The following TBC1D30 variants were observed in gnomAD, a reference collection of about 807,000 sequenced individuals.
TBC1D30 encodes the protein TBC1 domain family, member 30.
A neutral mutation model predicts 63.2 loss-of-function variants in TBC1D30; 31 were observed. That is an observed-to-expected ratio of 0.49 (90% confidence interval 0.37 to 0.66). The LOEUF is 0.66. TBC1D30 is among the 30% of genes least tolerant of loss of function. The pLI, the probability that TBC1D30 is intolerant of heterozygous loss-of-function variation, is 0.00. For missense variants in TBC1D30, 810 were observed against 953.6 expected, an observed-to-expected ratio of 0.85 and a Z score of 1.98; for synonymous variants, 307 against 361.5, an observed-to-expected ratio of 0.85 and a Z score of 1.71.
intron 11 of TBC1D30, among the ~76,000 whole-genome samples, chr12:64,873,388 T>G (rs1878805200): frequency 6.6e-6 from 1 of 152,144 alleles, no homozygotes; most frequent in African/African-American, 2.4e-5. Context: ...TGGGAGGTCA[T>G]GAATTTAAAG....
chr12:64,759,922 A>G (rs1870436382), intron 1 of TBC1D30, among the ~76,000 whole-genome samples: 1 of 152,224 alleles, frequency 6.6e-6, no homozygotes. Context: ...AATTTTCTCT[A>G]CAACTTGTGA....
intron 8 of TBC1D30, among the ~76,000 whole-genome samples, chr12:64,854,426 G>T (rs1158250749): frequency 6.6e-6 from 1 of 150,698 alleles, no homozygotes; most frequent in Non-Finnish European, 1.5e-5. Flanking sequence ...TTCTCTTTAT[G>T]TACTGTCTAT....
At chr12:64,768,458 C>G (rs2136274540) in intron 1 of TBC1D30, 1 of 152,374 alleles carries the variant, frequency 6.6e-6, no homozygotes, top group South Asian at 2.1e-4. Flanking sequence ...GCCTCAGCCT[C>G]CTGAGTAGCT....
At chr12:64,785,489 T>G (rs899688678) in intron 1 of TBC1D30, among the ~76,000 whole-genome samples, 1 of 152,122 alleles carries the variant, frequency 6.6e-6, no homozygotes, top group Non-Finnish European at 1.5e-5. Context: ...GTTAGGTTTA[T>G]TATTAATGTA....
chr12:64,838,615 A>G (rs1421093368), intron 6 of TBC1D30, 68 bp from the exon 7 acceptor site: 5 of 1,453,722 alleles, frequency 3.4e-6, no homozygotes, highest in Non-Finnish European at 4.6e-6. Flanking sequence ...GGAAGACTAG[A>G]AAAGGGTATC....
chr12:64,775,894 A>G (rs539139947), upstream of TBC1D30, among the ~76,000 whole-genome samples: 1 of 152,374 alleles, frequency 6.6e-6, no homozygotes, highest in African/African-American at 2.4e-5. Flanking sequence ...AACACCTCTC[A>G]GCAAATGCAA....
At chr12:64,789,210 T>C (rs1221299975) in intron 2 of TBC1D30, among the ~76,000 whole-genome samples, 15 of 141,038 alleles carry the variant, frequency 1.1e-4, no homozygotes, top group African/African-American at 3.7e-4. Flanking sequence ...GGAGACAGAG[T>C]CTCACTCTGT....
intron 1 of TBC1D30, among the ~76,000 whole-genome samples, chr12:64,826,161 A>G (rs1874329030): frequency 2.0e-5 from 3 of 152,294 alleles, no homozygotes; most frequent in Admixed American, 2.0e-4. Context: ...GATGAAACAT[A>G]AACCTTCTCT....
In TBC1D30 at chr12:64,852,251, CTTTA is replaced by C. The variant is rs543474737; in HGVS notation, c.1038+8771_1038+8774del. Among the ~76,000 whole-genome samples, 16 of 152,014 alleles carry C rather than the reference CTTTA, an allele frequency of 1.1e-4. 1 individual carries two copies. The highest frequency in any genetic ancestry group is 2.9e-4 in the African/African-American group (12 of 41,494). Reference sequence around the variant, plus strand: ...TTTTTTCTCTAATCTTATCTTCGTGCTTTATTTAGTCTCTGATATCCTTTCTTCC... The same window carrying C: ...TTTTTTCTCTAATCTTATCTTCGTGCTTTAGTCTCTGATATCCTTTCTTCC... On this transcript the variant is annotated intron_variant, in intron 8 of 11. Coordinates refer to ENST00000539867, the MANE Select transcript of TBC1D30 (RefSeq NM_015279.2).
At position 64,761,456 on chromosome 12, in the gene TBC1D30, G is replaced by A. The variant is rs567484055; in HGVS notation, c.-376+1807G>A. Reference sequence around the variant, plus strand: ...TTATGCATTCTAAGTCACAGGATGAGATAGGAGGTCATAAAGATACAAGAT... The same window carrying A: ...TTATGCATTCTAAGTCACAGGATGAAATAGGAGGTCATAAAGATACAAGAT... On this transcript the variant is annotated intron_variant, in intron 1 of 13. Transcript: ENST00000674237. 9.9e-5 allele frequency among the ~76,000 whole-genome samples: 15 copies of A among 152,226 alleles called. No homozygotes were observed. The East Asian group carries it at 2.7e-3, about 27-fold the overall frequency.
intron 8 of TBC1D30, among the ~76,000 whole-genome samples, chr12:64,851,944 C>T (rs1010635264): frequency 6.6e-6 from 1 of 152,114 alleles, no homozygotes; most frequent in African/African-American, 2.4e-5. Flanking sequence ...TTTGGCTGCC[C>T]TTAACATTTT....
At chr12:64,786,403 C>T (rs1325425151) in intron 2 of TBC1D30, among the ~76,000 whole-genome samples, 12 of 152,016 alleles carry the variant, frequency 7.9e-5, no homozygotes, top group African/African-American at 2.9e-4. Context: ...GTAATCTTGG[C>T]TGAATACAAC....
At chr12:64,818,502 C>G (rs1211095288) in intron 2 of TBC1D30, 2 of 655,550 alleles carry the variant, frequency 3.1e-6, no homozygotes, top group Non-Finnish European at 1.9e-6. Context: ...TGCAGTGGCG[C>G]AATCCTGGCT....
chr12:64,858,036 A>G (rs1565681992), intron 8 of TBC1D30, among the ~76,000 whole-genome samples: 1 of 152,126 alleles, frequency 6.6e-6, no homozygotes, highest in Non-Finnish European at 1.5e-5. Context: ...GCCTCTTTCC[A>G]TGATATGGAG....
intron 3 of TBC1D30, among the ~76,000 whole-genome samples, chr12:64,829,410 A>C (rs957361768): frequency 6.6e-6 from 1 of 152,140 alleles, no homozygotes; most frequent in Non-Finnish European, 1.5e-5. Flanking sequence ...TATAAAAGGG[A>C]TGTCAAAGAT....
chr12:64,874,154 T>C (rs996537750), intron 11 of TBC1D30, among the ~76,000 whole-genome samples: 1 of 152,212 alleles, frequency 6.6e-6, no homozygotes, highest in African/African-American at 2.4e-5. Flanking sequence ...AGTGGCGCAA[T>C]GTCAGCTCAC....
intron 2 of TBC1D30, among the ~76,000 whole-genome samples, chr12:64,807,295 C>T (rs544372649): frequency 1.8e-4 from 27 of 152,314 alleles, no homozygotes; most frequent in African/African-American, 6.3e-4. Context: ...TTATAAGTTT[C>T]CTGAGGCCTC....
intron 2 of TBC1D30, among the ~76,000 whole-genome samples, chr12:64,813,376 C>T (rs1028504535): frequency 1.9e-4 from 29 of 151,892 alleles, no homozygotes; most frequent in African/African-American, 7.0e-4. Flanking sequence ...GGCGACAGAG[C>T]AAGAGTCCAT....
intron 2 of TBC1D30, among the ~76,000 whole-genome samples, chr12:64,799,606 A>G (rs1399866943): frequency 1.3e-5 from 2 of 152,222 alleles, no homozygotes; most frequent in African/African-American, 4.8e-5. Flanking sequence ...ACTCTTCGGG[A>G]AAGGATTGCT....
Sources: allele counts gnomAD v4.1 joint callset (sites outside exome capture counted in the v4.1 genomes callset), GRCh38; gene constraint gnomAD v4.1.1; transcripts MANE v1.5; gene names NCBI Gene and HGNC (gene_info 2026-07-23, HGNC 2026-07-21).